The following AVEN variants were observed in gnomAD, a reference collection of about 807,000 sequenced individuals.
AVEN encodes apoptosis and caspase activation inhibitor, also known as cell death regulator Aven.
A neutral mutation model predicts 38.1 loss-of-function variants in AVEN; 41 were observed. The ratio of observed to expected loss-of-function variants is 1.08; its 90% CI spans 0.84 to 1.40. AVEN has a LOEUF of 1.40. Among genes scored for constraint, AVEN ranks in the 40% most tolerant of loss-of-function variants. The pLI is 0.00. For missense variants in AVEN, 605 were observed against 438.8 expected (o/e 1.38, Z -3.38); for synonymous variants, 206 against 171.8 (o/e 1.20, Z -1.56).
intron 11 of AVEN, chr15:33,860,552 A>C (rs1161229567): frequency 8.1e-7 from 1 of 1,238,258 alleles, no homozygotes; most frequent in South Asian, 1.6e-5. Context: ...TCTACCCCTG[A>C]ACCACTACAC....
intron 2 of AVEN, among the ~76,000 whole-genome samples, chr15:33,982,751 T>TC (rs1896209951): frequency 6.6e-6 from 1 of 151,548 alleles, no homozygotes; most frequent in African/African-American, 2.4e-5. Context: ...CATGATGCTT[T>TC]CCCCATGATG....
intron 2 of AVEN, among the ~76,000 whole-genome samples, chr15:33,954,912 C>A (rs1047209778): frequency 1.3e-5 from 2 of 152,024 alleles, no homozygotes; most frequent in Non-Finnish European, 2.9e-5. Flanking sequence ...GATTTTCTAC[C>A]CAGAAAAGTC....
intron 1 of AVEN, among the ~76,000 whole-genome samples, chr15:34,073,525 T>C (rs1236744406): frequency 4.8e-5 from 7 of 145,618 alleles, no homozygotes; most frequent in Non-Finnish European, 9.1e-5. Context: ...TTTTCTTTTT[T>C]TTTTTTTTTT....
chr15:34,002,788 A>G (rs1897185559), intron 2 of AVEN, among the ~76,000 whole-genome samples: 1 of 152,204 alleles, frequency 6.6e-6, no homozygotes, highest in Non-Finnish European at 1.5e-5. Flanking sequence ...TTCCACTTAT[A>G]GAAAGCCTTT....
At chr15:33,893,090 A>T (rs994106641) in intron 2 of AVEN, among the ~76,000 whole-genome samples, 1 of 152,206 alleles carries the variant, frequency 6.6e-6, no homozygotes, top group Non-Finnish European at 1.5e-5. Flanking sequence ...ACTTTGCTGA[A>T]GTTGCTCATC....
chr15:34,016,161 A>T (rs1241312946), intron 1 of AVEN, among the ~76,000 whole-genome samples: 2 of 152,178 alleles, frequency 1.3e-5, no homozygotes, highest in East Asian at 3.9e-4. Flanking sequence ...CTGTAATTCC[A>T]GCTACTCGGT....
chr15:33,870,604 G>C (rs1053425700), intron 4 of AVEN, among the ~76,000 whole-genome samples: 2 of 152,180 alleles, frequency 1.3e-5, no homozygotes, highest in African/African-American at 4.8e-5. Context: ...AGGCAGGAAC[G>C]ACATCTGTCT....
intron 1 of AVEN, among the ~76,000 whole-genome samples, chr15:34,006,765 C>A (rs1255917812): frequency 6.6e-6 from 1 of 152,128 alleles, no homozygotes; most frequent in African/African-American, 2.4e-5. Context: ...CATTAGCCTT[C>A]ATTCACAAGA....
chr15:33,921,622 A>G (rs1039437422), intron 2 of AVEN, among the ~76,000 whole-genome samples: 1 of 152,232 alleles, frequency 6.6e-6, no homozygotes, highest in Non-Finnish European at 1.5e-5. Context: ...GGGATAAGAT[A>G]TTTAAACTAC....
intron 2 of AVEN, among the ~76,000 whole-genome samples, chr15:33,948,415 T>C (rs2153055489): frequency 6.6e-6 from 1 of 152,200 alleles, no homozygotes; most frequent in African/African-American, 2.4e-5. Context: ...ATTTTAAAAG[T>C]AAAATTTAAA....
intron 2 of AVEN, among the ~76,000 whole-genome samples, chr15:33,977,361 A>G (rs745411720): frequency 6.6e-6 from 1 of 152,226 alleles, no homozygotes; most frequent in Non-Finnish European, 1.5e-5. Context: ...GATGAGACAG[A>G]TTCAAAACAA....
the AVEN span, chr15:33,853,115 C>A: frequency 6.5e-7 from 1 of 1,543,660 alleles, no homozygotes; most frequent in South Asian, 1.2e-5. Context: ...GGGTGAGTTC[C>A]GTGATCACCA....
chr15:33,904,887 T>C (rs542190161), intron 2 of AVEN, among the ~76,000 whole-genome samples: 4 of 151,858 alleles, frequency 2.6e-5, no homozygotes, highest in Non-Finnish European at 2.9e-5. Flanking sequence ...CCCAGTACTT[T>C]GGGAGGCCGA....
chr15:33,995,292 T>A (rs1206661646), intron 2 of AVEN, among the ~76,000 whole-genome samples: 1 of 152,094 alleles, frequency 6.6e-6, no homozygotes, highest in South Asian at 2.1e-4. Flanking sequence ...AAGAAAATTA[T>A]TTTAAAATAA....
Position 34,063,714 on chromosome 15 carries a change from C to T in AVEN, n.1127-282G>A. On this transcript the variant is annotated intron_variant and non_coding_transcript_variant, in intron 4 of 11. Coordinates refer to the AVEN transcript ENST00000675287. This position sits in a 1 kb window ranked among gnomAD's most constrained non-coding sequence, Gnocchi z 4.1. ...CTACAAGAGTCAGGGTAAGGAAAGC[C>T]CAGGGGAAGAATTCAGTGCTGAAGA... The T allele has an allele frequency of 6.2e-7, 1 of 1,614,114 alleles. No homozygotes were observed. Among genetic ancestry groups the T allele is most frequent in the Non-Finnish European group, 8.5e-7 (1 of 1,180,020 alleles).
intron 5 of AVEN, among the ~76,000 whole-genome samples, chr15:34,046,134 AC>A (rs781661970): frequency 8.5e-5 from 13 of 152,330 alleles, no homozygotes; most frequent in South Asian, 8.3e-4. Flanking sequence ...AAAATAAGTT[AC>A]CCTTTCAAAA....
chr15:33,984,264 A>G (rs576815030), intron 2 of AVEN, among the ~76,000 whole-genome samples: 3 of 152,320 alleles, frequency 2.0e-5, no homozygotes, highest in Non-Finnish European at 4.4e-5. Flanking sequence ...AACTCTTCTG[A>G]AAAATCTAAA....
In AVEN at chr15:33,916,288, A is replaced by G. The variant is rs140062515; in HGVS notation, c.446-40293T>C. On this transcript the variant is annotated intron_variant, in intron 2 of 5. Coordinates refer to ENST00000306730, the MANE Select transcript of AVEN (RefSeq NM_020371.3). ...ACAGAGTCCATTTCACTCCTCTGCC[A>G]CCTCTACTGGAGCAAGTGCTGGTAT... Among the ~76,000 whole-genome samples the G allele has an allele frequency of 3.4e-3, 519 of 152,186 alleles. 4 individuals are homozygous for G. The highest frequency in any genetic ancestry group is 7.6e-3 in the Admixed American group (116 of 15,284).
intron 2 of AVEN, among the ~76,000 whole-genome samples, chr15:33,954,261 A>G (rs557814852): frequency 6.6e-6 from 1 of 152,316 alleles, no homozygotes; most frequent in African/African-American, 2.4e-5. Flanking sequence ...TCAAGGATCT[A>G]GAACTAGAAA....
Sources: allele counts gnomAD v4.1 joint callset (sites outside exome capture counted in the v4.1 genomes callset), GRCh38; gene constraint gnomAD v4.1.1; non-coding constraint Gnocchi (gnomAD v3.1); transcripts MANE v1.5; gene names NCBI Gene and HGNC (gene_info 2026-07-23, HGNC 2026-07-21).